ASAP2: variants seen among roughly 807,000 people sequenced by gnomAD.
ASAP2 encodes ArfGAP with SH3 domain, ankyrin repeat and PH domain 2.
A neutral mutation model predicts 131.4 loss-of-function variants in ASAP2; 45 were observed. The observed-to-expected ratio is 0.34, with a 90% CI of 0.27 to 0.44. The LOEUF is 0.44. Ranked by LOEUF, ASAP2 falls within the 20% of genes least tolerant of loss-of-function variation. The pLI is 1.00. For synonymous variants in ASAP2, 510 were observed against 503.0 expected (o/e 1.01, Z -0.19); for missense variants, 1,011 against 1,297.0 (o/e 0.78, Z 3.39).
chr2:9,368,201 G>A (rs1158217444), intron 15 of ASAP2, among the ~76,000 whole-genome samples: 1 of 152,166 alleles, frequency 6.6e-6, no homozygotes, highest in African/African-American at 2.4e-5. Flanking sequence ...TATCCAGAGC[G>A]CGTTTTATGA....
In ASAP2 at chr2:9,273,915, C is replaced by T. The variant is rs370722857; in HGVS notation, c.127-5402C>T. 2.0e-5 allele frequency among the ~76,000 whole-genome samples: 3 copies of T among 152,334 alleles called. No individual in the cohort carries two copies. The East Asian group carries it at 5.8e-4, about 29-fold the overall frequency. ...AGTCCTGCAAAGGCTGTCTAGTCCC[C>T]AGGCAGGAAGAGGGGTTTATTTTGG... On this transcript the variant is annotated intron_variant, in intron 1 of 27. Coordinates refer to ENST00000281419, the MANE Select transcript of ASAP2 (RefSeq NM_003887.3).
intron 10 of ASAP2, 26 bp downstream of exon 10, chr2:9,344,661 T>C: frequency 6.2e-7 from 1 of 1,613,144 alleles, no homozygotes; most frequent in Non-Finnish European, 8.5e-7. Flanking sequence ...TGGCTAGAGT[T>C]TAAATGTACG....
chr2:9,247,456 T>C (rs1227921785), intron 1 of ASAP2, among the ~76,000 whole-genome samples: 1 of 152,238 alleles, frequency 6.6e-6, no homozygotes, highest in Non-Finnish European at 1.5e-5. Context: ...TATTACCTCA[T>C]GCGCTGCTTT....
chr2:9,251,950 T>A (rs962457545), intron 1 of ASAP2, among the ~76,000 whole-genome samples: 7 of 151,836 alleles, frequency 4.6e-5, no homozygotes, highest in East Asian at 1.9e-4. Flanking sequence ...TTTTTTTTTT[T>A]AATTATCATC....
chr2:9,368,348 C>T, intron 15 of ASAP2, 77 bp from the exon 16 acceptor site: 2 of 1,300,870 alleles, frequency 1.5e-6, no homozygotes, highest in Non-Finnish European at 1.1e-6. Flanking sequence ...AATAAATCAT[C>T]AGATGGGGAT....
intron 18 of ASAP2, 38 bp downstream of exon 18, chr2:9,377,031 C>G: frequency 3.2e-6 from 5 of 1,564,972 alleles, no homozygotes; most frequent in Non-Finnish European, 4.4e-6. Flanking sequence ...CTCGTTTTCT[C>G]CTTGGTATTT....
At chr2:9,394,081 A>T (rs903059085) in intron 24 of ASAP2, among the ~76,000 whole-genome samples, 16 of 149,994 alleles carry the variant, frequency 1.1e-4, no homozygotes, top group African/African-American at 3.9e-4. Context: ...TAGAAACACC[A>T]CCCAATCCTT....
At chr2:9,358,719 T>A in intron 14 of ASAP2, 37 bp from the exon 15 acceptor site, 1 of 1,597,856 alleles carries the variant, frequency 6.3e-7, no homozygotes, top group Non-Finnish European at 8.5e-7. Flanking sequence ...CCCTCTTTTT[T>A]ACTGGAAGCT....
chr2:9,399,924 C>A, intron 24 of ASAP2, 99 bp from the exon 25 acceptor site: 2 of 1,263,066 alleles, frequency 1.6e-6, no homozygotes, highest in Non-Finnish European at 2.3e-6. Flanking sequence ...ACCTCACACA[C>A]TCTGAGCTTG....
chr2:9,237,798 C>T (rs1328682587), intron 1 of ASAP2, among the ~76,000 whole-genome samples: 3 of 152,152 alleles, frequency 2.0e-5, no homozygotes, highest in Non-Finnish European at 4.4e-5. Flanking sequence ...ACATTGTATA[C>T]AGTAGGTGCC....
intron 2 of ASAP2, among the ~76,000 whole-genome samples, chr2:9,288,702 G>T (rs760805639): frequency 1.3e-5 from 2 of 152,104 alleles, no homozygotes; most frequent in South Asian, 4.1e-4. Context: ...AACAAATGTT[G>T]AATTCACCTC....
chr2:9,265,795 G>A (rs1299725366), intron 1 of ASAP2, among the ~76,000 whole-genome samples: 4 of 151,628 alleles, frequency 2.6e-5, no homozygotes, highest in Non-Finnish European at 1.5e-5. Flanking sequence ...TTTTTGAGAC[G>A]GAGTTTCACT....
At chr2:9,317,728 TCACACTCACATC>T (rs944572005) in intron 3 of ASAP2, among the ~76,000 whole-genome samples, 4 of 144,370 alleles carry the variant, frequency 2.8e-5, no homozygotes, top group East Asian at 2.2e-4. Flanking sequence ...ACAATCACAT[TCACACTCACATC>T]CACACTCACA....
chr2:9,244,348 G>T (rs879520338), intron 1 of ASAP2, among the ~76,000 whole-genome samples: 1 of 152,188 alleles, frequency 6.6e-6, no homozygotes, highest in Non-Finnish European at 1.5e-5. Flanking sequence ...CCACCATACA[G>T]TACCTTAGCA....
chr2:9,270,783 TCA>T (rs371622428), intron 1 of ASAP2, among the ~76,000 whole-genome samples: 1 of 132,222 alleles, frequency 7.6e-6, no homozygotes, highest in Non-Finnish European at 1.6e-5. Context: ...TCAATTGTTT[TCA>T]TTTTTTTTTT....
At chr2:9,358,704 C>T in intron 14 of ASAP2, 52 bp from the exon 15 acceptor site, 1 of 1,585,736 alleles carries the variant, frequency 6.3e-7, no homozygotes, top group Non-Finnish European at 8.6e-7. Context: ...AGATGTGACT[C>T]CTGACCCTCT....
At chr2:9,279,671 G>A (rs967205224) in intron 2 of ASAP2, among the ~76,000 whole-genome samples, 2 of 152,102 alleles carry the variant, frequency 1.3e-5, no homozygotes, top group African/African-American at 2.4e-5. Context: ...CGTCCTGCAC[G>A]TACCCACTTT....
At chr2:9,291,835 G>A (rs1039774210) in intron 2 of ASAP2, among the ~76,000 whole-genome samples, 1 of 152,130 alleles carries the variant, frequency 6.6e-6, no homozygotes, top group Non-Finnish European at 1.5e-5. Flanking sequence ...TGTTATGCTG[G>A]TGACAGCACT....
chr2:9,326,439 A>G (rs1360687169), intron 6 of ASAP2, among the ~76,000 whole-genome samples: 1 of 151,648 alleles, frequency 6.6e-6, no homozygotes, highest in Non-Finnish European at 1.5e-5. Context: ...TATGTCAAAT[A>G]GGTAGTACAG....
Sources: allele counts gnomAD v4.1 joint callset (sites outside exome capture counted in the v4.1 genomes callset), GRCh38; gene constraint gnomAD v4.1.1; transcripts MANE v1.5; gene names NCBI Gene and HGNC (gene_info 2026-07-23, HGNC 2026-07-21).